The following SLC4A3 variants were observed in gnomAD, a reference collection of about 807,000 sequenced individuals.
SLC4A3 encodes the protein anion exchange protein 3.
Under a neutral mutation model 114.2 loss-of-function variants are expected in SLC4A3, and 47 were observed. That is an observed-to-expected ratio of 0.41 (90% CI 0.33 to 0.52). SLC4A3 has a LOEUF of 0.52. SLC4A3 is among the 20% of genes least tolerant of loss of function. The pLI, the probability that SLC4A3 is intolerant of heterozygous loss-of-function variation, is 0.21. For synonymous variants in SLC4A3, 693 were observed against 710.3 expected (o/e 0.98, Z 0.39); for missense variants, 1,312 against 1,668.3 (o/e 0.79, Z 3.72).
chr2:219,633,330 G>A lies in SLC4A3; in HGVS notation c.1334G>A (p.Ser445Asn). 1 of 1,604,708 alleles carries A rather than the reference G, an allele frequency of 6.2e-7. No individual in the cohort carries two copies. The highest frequency in any genetic ancestry group is 2.2e-5 in the East Asian group (1 of 44,570). The change falls in exon 10 of 23, where the codon AGC (serine) becomes AAC (asparagine). Residue 445 changes from serine (S) to asparagine (N), a missense_variant. Ser to Asn is a conservative substitution (Grantham distance 46). Around this residue, in one of 4 missense-constraint regions of SLC4A3, gnomAD observed 771 missense variants for 977.7 expected, o/e 0.79. Coordinates refer to ENST00000358055, the MANE Select transcript of SLC4A3 (RefSeq NM_005070.4). ...GFFPRNPSSSSMNSVLGNHHP... is the reference protein window; with the variant it reads ...GFFPRNPSSSNMNSVLGNHHP... ...TTTCCCCGAAACCCATCGAGCTCCAGCATGAACTCGGTTCTGGGGAATCAT... is the reference window on the plus strand; with the variant it reads ...TTTCCCCGAAACCCATCGAGCTCCAACATGAACTCGGTTCTGGGGAATCAT...
Position 219,640,699 on chromosome 2 carries a change from C to T in SLC4A3, c.3448-90C>T, listed in dbSNP as rs72961491. 0.17 allele frequency: 270,808 copies of T among 1,568,190 alleles called. 26,329 individuals are homozygous for T. Among genetic ancestry groups the T allele is most frequent in the African/African-American group, 0.39 (29,225 of 74,264 alleles). ...GGATGGGATGAATATGAAGGAGAAG[C>T]TGTGACCTGGGAGCCAAATTCCCCA... On this transcript the variant is annotated intron_variant, in intron 21 of 22. Transcript: ENST00000358055.
rs1269754674 is a variant in SLC4A3, at chr2:219,636,380, T to C, written c.2270T>C (p.Leu757Pro). 1 of 1,613,630 alleles carries C rather than the reference T, an allele frequency of 6.2e-7. No individual in the cohort carries two copies. The highest frequency in any genetic ancestry group is 2.2e-5 in the East Asian group (1 of 44,868). ...TAVLGVLFSL[L>P]GAQPLLVVGF... ...GTGCTCGGCGTCCTCTTCTCTCTGC[T>C]GGGAGCTCAGCCGCTGCTTGTGGTT... The change falls in exon 15 of 23, where the codon CTG (leucine) becomes CCG (proline). Residue 757 changes from leucine to proline, a missense_variant. Around this residue, in one of 4 missense-constraint regions of SLC4A3, gnomAD observed 771 missense variants for 977.7 expected, o/e 0.79. Coordinates refer to ENST00000358055, the MANE Select transcript of SLC4A3 (RefSeq NM_005070.4). The surrounding 1 kb of genome is among the most constrained non-coding windows in gnomAD (Gnocchi z 5.5).
Position 219,631,679 on chromosome 2 carries a change from C to T in SLC4A3, c.812-289C>T, listed in dbSNP as rs1025049908. ...CAGATGGAGAAGGAGGGGCAGTGGC[C>T]ATGGCAGGGGCTGGAGGGTCTGGCT... On this transcript the variant is annotated intron_variant, in intron 6 of 22. Coordinates refer to ENST00000358055, the MANE Select transcript of SLC4A3 (RefSeq NM_005070.4). The surrounding 1 kb of genome is among the most constrained non-coding windows in gnomAD (Gnocchi z 6.3). Among the ~76,000 whole-genome samples, 2 of 151,948 alleles carry T rather than the reference C, an allele frequency of 1.3e-5. No homozygotes were observed. The highest frequency in any genetic ancestry group is 1.5e-5 in the Non-Finnish European group (1 of 67,968).
At chr2:219,632,760 G>T in intron 8 of SLC4A3, 114 bp from the exon 9 acceptor site, 1 of 1,352,872 alleles carries the variant, frequency 7.4e-7, no homozygotes, top group Non-Finnish European at 1.0e-6. Flanking sequence ...TGGGTACATT[G>T]GGCGCTTTGC....
intron 9 of SLC4A3, 68 bp downstream of exon 9, chr2:219,633,077 C>A: frequency 6.4e-7 from 1 of 1,571,656 alleles, no homozygotes. Context: ...CATCCTCTTC[C>A]AAGTGGCTCC....
rs747181952 is a variant in SLC4A3 at position 219,628,871 on chromosome 2, G to T, written c.218-273G>T. The T allele has an allele frequency of 1.2e-5, 7 of 579,608 alleles. No homozygotes were observed. The highest frequency in any genetic ancestry group is 2.1e-5 in the Non-Finnish European group (7 of 332,410). The allele number at this position is 579,608 out of a possible 1,614,324, so 35.9% of individuals were successfully genotyped here. ...ACTCACTCCCTCCTTGTCCCACCTC[G>T]GCTAGTCCAACTCCGCCTTTCCCCT... On this transcript the variant is annotated intron_variant, in intron 3 of 22. Coordinates refer to ENST00000358055, the MANE Select transcript of SLC4A3 (RefSeq NM_005070.4). This position sits in a 1 kb window ranked among gnomAD's most constrained non-coding sequence, Gnocchi z 4.8.
intron 7 of SLC4A3, 32 bp from the exon 8 acceptor site, chr2:219,632,230 C>G (rs141079270): frequency 3.7e-6 from 6 of 1,613,340 alleles, no homozygotes; most frequent in Admixed American, 1.7e-5. Flanking sequence ...ACCTGTTGGC[C>G]CCTGGGCCCT....
rs1053970997 is a variant in SLC4A3, at chr2:219,641,528, A to G, written c.3622-123A>G. On this transcript the variant is annotated intron_variant, in intron 22 of 22. Coordinates refer to ENST00000358055, the MANE Select transcript of SLC4A3 (RefSeq NM_005070.4). The surrounding 1 kb of genome is among the most constrained non-coding windows in gnomAD (Gnocchi z 4.0). ...CAGTGCTGCCACCCAGGGTCATGGT[A>G]CTTGCAGAGAGGCCCAGGAAAGGTC... 5.3e-6 allele frequency: 4 copies of G among 751,064 alleles called. No individual in the cohort carries two copies. The Admixed American group carries it at 6.2e-5, about 12-fold the overall frequency. 46.5% of individuals were successfully genotyped at this position (751,064 alleles called of 1,614,324 possible). A position where few individuals can be genotyped will look rare whatever the true frequency, so the allele number is the denominator to read the frequency against.
rs754702504 is a variant in SLC4A3, at chr2:219,632,870, C to A, written c.1142-4C>A. The A allele has an allele frequency of 6.2e-7, 1 of 1,613,896 alleles. No homozygotes were observed. The highest frequency in any genetic ancestry group is 1.1e-5 in the South Asian group (1 of 91,086). On this transcript the variant is annotated splice_region_variant and splice_polypyrimidine_tract_variant and intron_variant, in intron 8 of 22. Coordinates refer to ENST00000358055, the MANE Select transcript of SLC4A3 (RefSeq NM_005070.4). ...GCCCTCTCTGTGCCTGACTGTCCCC[C>A]TAGGAGCTGCCCTCCTGGACCTGGA...
Position 219,630,242 on chromosome 2 carries a change from G to A in SLC4A3, c.701G>A (p.Arg234Gln). Residue 234 changes from arginine to glutamine, a missense_variant, in exon 6 of 23, where the codon CGA becomes CAA. Arg to Gln is a conservative substitution (Grantham distance 43, BLOSUM62 1). This residue lies in a region of SLC4A3 where 771 missense variants were observed against 977.7 expected (regional missense o/e 0.79). Transcript: ENST00000358055. The surrounding 1 kb of genome is among the most constrained non-coding windows in gnomAD (Gnocchi z 6.9). ...SPSASYDLRE[R>Q]LCPGSALGNP... The stretch of plus-strand genomic sequence containing the variant: ...TCGGCCAGTTATGACCTGCGGGAGC[G>A]ACTGTGCCCAGGCAGTGCCCTGGGC... 6.2e-7 allele frequency: 1 copy of A among 1,613,336 alleles called. No individual in the cohort carries two copies. The highest frequency in any genetic ancestry group is 8.5e-7 in the Non-Finnish European group (1 of 1,179,854).
rs1699157023 is a variant in SLC4A3 at position 219,637,331 on chromosome 2, G to T, written c.2536-250G>T. Among the ~76,000 whole-genome samples the T allele has an allele frequency of 6.6e-6, 1 of 151,572 alleles. No individual in the cohort carries two copies. Reference sequence around the variant, plus strand: ...TGTGTATGTATGTTGTGTGTGTGGTGTGTATGTGGTATGTTGTGTTTTTTT... The same window carrying T: ...TGTGTATGTATGTTGTGTGTGTGGTTTGTATGTGGTATGTTGTGTTTTTTT... On this transcript the variant is annotated intron_variant, in intron 16 of 22. Transcript: ENST00000358055. The surrounding 1 kb of genome is among the most constrained non-coding windows in gnomAD (Gnocchi z 4.6).
In SLC4A3 at chr2:219,632,058, T is replaced by C. The variant is rs781536339; in HGVS notation, c.902T>C (p.Leu301Pro). The C allele has an allele frequency of 1.7e-5, 28 of 1,613,792 alleles. No individual in the cohort carries two copies. The highest frequency in any genetic ancestry group is 2.1e-5 in the Non-Finnish European group (25 of 1,179,970). Residue 301 changes from leucine (L) to proline (P), a missense_variant, in exon 7 of 23, where the codon CTG (leucine) becomes CCG (proline). Physicochemically the swap from Leu to Pro is moderately conservative, Grantham distance 98 (BLOSUM62 -3). Around this residue, in one of 4 missense-constraint regions of SLC4A3, gnomAD observed 771 missense variants for 977.7 expected, o/e 0.79. Transcript: ENST00000358055. Reference sequence around the variant, plus strand: ...GGCGGGAGGGGCAGTCCCAGCGGCCTGGCCCCCATCCTTCGCAGGAAGAAG... The same window carrying C: ...GGCGGGAGGGGCAGTCCCAGCGGCCCGGCCCCCATCCTTCGCAGGAAGAAG... ...TQGGRGSPSGLAPILRRKKKK... is the reference protein window; with the variant it reads ...TQGGRGSPSGPAPILRRKKKK...
intron 5 of SLC4A3, 192 bp from the exon 6 acceptor site, chr2:219,629,961 G>A: frequency 9.3e-7 from 1 of 1,074,542 alleles, no homozygotes; most frequent in Non-Finnish European, 1.3e-6. Context: ...AGTAGAGAGG[G>A]TGAGGAGAAA....
At position 219,635,809 on chromosome 2, in the gene SLC4A3, G is replaced by T; in HGVS notation, c.2109G>T (p.Ala703=). The T allele has an allele frequency of 6.3e-7, 1 of 1,593,118 alleles. No homozygotes were observed. The highest frequency in any genetic ancestry group is 8.5e-7 in the Non-Finnish European group (1 of 1,171,210). The change falls in exon 14 of 23, where the codon GCG becomes GCT. Residue 703 remains alanine (A), a synonymous_variant. Transcript: ENST00000358055. ...YPHYPSDLRD[A]LHSQCVAAVL... is the part of the protein sequence containing the mutation. Reference sequence around the variant, plus strand: ...ACTACCCCAGTGACCTGCGAGATGCGCTGCACTCCCAGTGTGTGGCCGCTG... The same window carrying T: ...ACTACCCCAGTGACCTGCGAGATGCTCTGCACTCCCAGTGTGTGGCCGCTG...
At position 219,631,421 on chromosome 2, in the gene SLC4A3, G is replaced by A. The variant is rs777064972; in HGVS notation, c.812-547G>A. On this transcript the variant is annotated intron_variant, in intron 6 of 22. Transcript: ENST00000358055. This position sits in a 1 kb window ranked among gnomAD's most constrained non-coding sequence, Gnocchi z 6.3. The stretch of plus-strand genomic sequence containing the variant: ...ATGGTGACCTGTGGGAGTCCATCAG[G>A]GGCCAGCTGGGCCCCATGGCAGGGC... 33 of 1,304,094 alleles carry A rather than the reference G, an allele frequency of 2.5e-5. No individual in the cohort carries two copies. In the South Asian group the frequency reaches 3.9e-4, roughly 16 times the overall value. The allele number at this position is 1,304,094 out of a possible 1,614,324, so 80.8% of individuals were successfully genotyped here. A position where few individuals can be genotyped will look rare whatever the true frequency, so the allele number is the denominator to read the frequency against.
Position 219,627,896 on chromosome 2 carries a change from C to G in SLC4A3, c.-93-4C>G. Reference sequence around the variant, plus strand: ...AGGAACCTGACCCCGCCCTCCTCCCCCAGGGCTCCCCGCTAGGCCCCCTCA... The same window carrying G: ...AGGAACCTGACCCCGCCCTCCTCCCGCAGGGCTCCCCGCTAGGCCCCCTCA... On this transcript the variant is annotated splice_polypyrimidine_tract_variant and splice_region_variant and intron_variant, in intron 1 of 22. Transcript: ENST00000358055. The G allele has an allele frequency of 9.9e-7, 1 of 1,013,356 alleles. No individual in the cohort carries two copies. Among genetic ancestry groups the G allele is most frequent in the Non-Finnish European group, 1.5e-6 (1 of 678,720 alleles). 62.8% of individuals were successfully genotyped at this position (1,013,356 alleles called of 1,614,324 possible). A position where few individuals can be genotyped will look rare whatever the true frequency, so the allele number is the denominator to read the frequency against.
Position 219,628,021 on chromosome 2 carries a change from G to C in SLC4A3, c.29G>C (p.Gly10Ala). Residue 10 changes from glycine to alanine, a missense_variant, in exon 2 of 23, where the codon GGG becomes GCG. Transcript: ENST00000358055. This position sits in a 1 kb window ranked among gnomAD's most constrained non-coding sequence, Gnocchi z 4.8. MANGVIPPP[G>A]GASPLPQVRV... ...GCCAACGGAGTGATCCCGCCGCCCG[G>C]GGGCGCCTCCCCCCTACCCCAGGTG... 5 of 1,588,658 alleles carry C rather than the reference G, an allele frequency of 3.1e-6. No individual in the cohort carries two copies. Among genetic ancestry groups the C allele is most frequent in the Non-Finnish European group, 4.3e-6 (5 of 1,169,810 alleles).
intron 10 of SLC4A3, 173 bp from the exon 11 acceptor site, chr2:219,633,707 C>A: frequency 2.9e-6 from 3 of 1,038,764 alleles, no homozygotes; most frequent in Non-Finnish European, 4.1e-6. Context: ...TTGGGGACAT[C>A]GAGGCAGGGT....
chr2:219,633,721 C>A, intron 10 of SLC4A3, 159 bp from the exon 11 acceptor site: 2 of 1,183,234 alleles, frequency 1.7e-6, no homozygotes, highest in Non-Finnish European at 2.3e-6. Context: ...GCAGGGTCCA[C>A]ATCCCAGCTG....
Sources: allele counts gnomAD v4.1 joint callset (sites outside exome capture counted in the v4.1 genomes callset), GRCh38; gene constraint gnomAD v4.1.1; regional missense constraint gnomAD v4.1.1; non-coding constraint Gnocchi (gnomAD v3.1); transcripts MANE v1.5; gene names NCBI Gene and HGNC (gene_info 2026-07-23, HGNC 2026-07-21).